Variants in UNG observed in about 807,000 individuals in gnomAD.
UNG encodes the protein uracil DNA glycosylase.
UNG carries 34 observed loss-of-function variants against 36.5 expected under a neutral mutation model. That is an observed-to-expected ratio of 0.93 (90% CI 0.71 to 1.24). The LOEUF is 1.24. UNG is among the 50% of genes most tolerant of loss of function. UNG has a pLI of 0.00. For missense variants in UNG, 391 were observed against 397.6 expected (o/e 0.98, Z 0.14); for synonymous variants, 172 against 157.8 (o/e 1.09, Z -0.67).
intron 3 of UNG, among the ~76,000 whole-genome samples, chr12:109,100,644 A>T (rs1289941526): frequency 2.0e-5 from 3 of 152,242 alleles, no homozygotes; most frequent in Non-Finnish European, 4.4e-5. Flanking sequence ...TAAAAGGAAT[A>T]TTTTGAGGGA....
At chr12:109,105,189 CAGATGTA>C (rs1305547601) in intron 6 of UNG, 1 of 152,250 alleles carries the variant, frequency 6.6e-6, no homozygotes, top group Non-Finnish European at 1.5e-5. Flanking sequence ...GCTAGGATTA[CAGATGTA>C]AGCCACCGCA....
chr12:109,107,366 A>T (rs536676640), intron 6 of UNG, among the ~76,000 whole-genome samples: 1 of 151,702 alleles, frequency 6.6e-6, no homozygotes, highest in South Asian at 2.1e-4. Context: ...ACACCTGGCT[A>T]ATTTTTGTAT....
chr12:109,109,966 G>T lies in UNG; in HGVS notation c.939G>T (p.Leu313=). 1.2e-6 allele frequency: 2 copies of T among 1,614,116 alleles called. No individual in the cohort carries two copies. Among genetic ancestry groups the T allele is most frequent in the Non-Finnish European group, 1.7e-6 (2 of 1,180,016 alleles). Residue 313 remains leucine, a synonymous_variant, in exon 7 of 7, where the codon CTG becomes CTT. Transcript: ENST00000242576. ...SGKKPIDWKE[L] ...AGAAGCCCATTGACTGGAAGGAGCT[G>T]TGATCATCAGCTGAGGGGTGGCCTT...
At chr12:109,101,342 G>A (rs1288779037) in intron 3 of UNG, among the ~76,000 whole-genome samples, 5 of 151,574 alleles carry the variant, frequency 3.3e-5, no homozygotes, top group African/African-American at 7.3e-5. Context: ...TGCCTACCTC[G>A]GCCTCCCAAA....
intron 5 of UNG, 112 bp from the exon 6 acceptor site, chr12:109,103,321 G>A (rs1357242505): frequency 1.1e-5 from 11 of 1,024,072 alleles, no homozygotes; most frequent in Admixed American, 1.9e-5. Context: ...AGCACAGCTT[G>A]CTACACTGGA....
At chr12:109,098,130 G>A (rs895409244) in intron 1 of UNG, 12 of 1,388,020 alleles carry the variant, frequency 8.6e-6, no homozygotes, top group Non-Finnish European at 1.1e-5. Flanking sequence ...AAGACCACGT[G>A]GGGACGCGGT....
chr12:109,104,653 G>C (rs949178761), intron 6 of UNG, among the ~76,000 whole-genome samples: 1 of 152,156 alleles, frequency 6.6e-6, no homozygotes, highest in Non-Finnish European at 1.5e-5. Context: ...TGATGGACTA[G>C]AGATGGAGGC....
chr12:109,103,404 C>T (rs1255621145), intron 5 of UNG, 29 bp from the exon 6 acceptor site: 3 of 1,612,000 alleles, frequency 1.9e-6, no homozygotes, highest in African/African-American at 2.7e-5. Context: ...CCTGAGCCTA[C>T]ATTTAACCTG....
At chr12:109,099,797 C>T (rs924781537) in intron 3 of UNG, among the ~76,000 whole-genome samples, 2 of 152,136 alleles carry the variant, frequency 1.3e-5, no homozygotes, top group Non-Finnish European at 2.9e-5. Flanking sequence ...GTTCGTGGGG[C>T]TGGGCACGGT....
At chr12:109,098,279 C>A in intron 1 of UNG, 153 bp from the exon 2 acceptor site, 2 of 1,545,528 alleles carry the variant, frequency 1.3e-6, no homozygotes, top group South Asian at 1.2e-5. Context: ...CGGACCGGGC[C>A]CAGCCCTGGG....
At chr12:109,106,934 T>TATATATATATGTGTATATATATAA (rs1566123324) in intron 6 of UNG, among the ~76,000 whole-genome samples, 1 of 39,904 alleles carries the variant, frequency 2.5e-5, no homozygotes, top group African/African-American at 1.4e-4. Flanking sequence ...TATATATATA[T>TATATATATATGTGTATATATATAA]AAAAAATATT....
At chr12:109,099,435 A>G (rs2042160439) in intron 3 of UNG, 151 bp downstream of exon 3, 1 of 707,238 alleles carries the variant, frequency 1.4e-6, no homozygotes. Context: ...TTCAGCCTGT[A>G]TTTACTCTTT....
intron 3 of UNG, among the ~76,000 whole-genome samples, chr12:109,099,787 G>A (rs987258987): frequency 6.6e-5 from 10 of 152,188 alleles, no homozygotes; most frequent in African/African-American, 2.4e-4. Context: ...GTGTTCAGAA[G>A]TTCGTGGGGC....
At chr12:109,101,870 T>G (rs1474016267) in intron 3 of UNG, 32 bp from the exon 4 acceptor site, 3 of 1,579,488 alleles carry the variant, frequency 1.9e-6, no homozygotes, top group Non-Finnish European at 1.7e-6. Flanking sequence ...CATTACAGTA[T>G]TGTTTAATTC....
chr12:109,099,044 T>C (rs2042156884), intron 2 of UNG, 145 bp from the exon 3 acceptor site: 1 of 853,856 alleles, frequency 1.2e-6, no homozygotes, highest in African/African-American at 1.7e-5. Context: ...GCACTGTTTT[T>C]GTTTGTTGTT....
intron 1 of UNG, chr12:109,098,176 A>C: frequency 1.4e-6 from 2 of 1,417,580 alleles, no homozygotes; most frequent in Middle Eastern, 2.6e-4. Context: ...ACCTCTGTGC[A>C]GGGTTCCCAG....
chr12:109,102,754 T>G, intron 4 of UNG, 85 bp from the exon 5 acceptor site: 8 of 1,151,512 alleles, frequency 6.9e-6, no homozygotes, highest in Non-Finnish European at 1.0e-5. Flanking sequence ...ACTTCTAACC[T>G]TTTCACATAT....
chr12:109,102,925 A>G lies in UNG; in HGVS notation c.620A>G (p.Gln207Arg), dbSNP rs1196324378. ...GHGDLSGWAK[Q>R]GVLLLNAVLT... ...GGAGATTTATCTGGGTGGGCCAAGC[A>G]AGGTAAGCCAGCGACTGCTAGATTT... The change falls in exon 5 of 7, where the codon CAA becomes CGA. Residue 207 changes from glutamine to arginine, a missense_variant and splice_region_variant. Gln to Arg is a conservative substitution (Grantham distance 43, BLOSUM62 1). Transcript: ENST00000242576. 38 of 1,600,420 alleles carry G rather than the reference A, an allele frequency of 2.4e-5. No homozygotes were observed. Among genetic ancestry groups the G allele is most frequent in the Non-Finnish European group, 3.0e-5 (35 of 1,169,174 alleles).
intron 3 of UNG, among the ~76,000 whole-genome samples, chr12:109,099,914 T>C (rs1184341402): frequency 6.6e-6 from 1 of 152,082 alleles, no homozygotes; most frequent in Non-Finnish European, 1.5e-5. Context: ...ATACAAAAAT[T>C]AGCCGGGCAT....
Sources: allele counts gnomAD v4.1 joint callset (sites outside exome capture counted in the v4.1 genomes callset), GRCh38; gene constraint gnomAD v4.1.1; transcripts MANE v1.5; gene names NCBI Gene and HGNC (gene_info 2026-07-23, HGNC 2026-07-21).